Variants in TMCC1 observed in about 807,000 individuals in gnomAD.
The protein encoded by TMCC1 is transmembrane and coiled-coil domain family 1.
In TMCC1, 15 loss-of-function variants were observed where a neutral mutation model predicts 52.4. The observed-to-expected ratio is 0.29, with a 90% CI of 0.19 to 0.44. TMCC1 has a LOEUF of 0.44. Among genes scored for constraint, TMCC1 ranks in the 20% least tolerant of loss-of-function variants. The pLI is 1.00. For missense variants in TMCC1, 503 were observed against 806.0 expected, an observed-to-expected ratio of 0.62 and a Z score of 4.55; for synonymous variants, 279 against 301.9, an observed-to-expected ratio of 0.92 and a Z score of 0.79.
intron 4 of TMCC1, among the ~76,000 whole-genome samples, chr3:129,789,717 T>C (rs1457039261): frequency 1.3e-5 from 2 of 152,152 alleles, no homozygotes; most frequent in Admixed American, 6.5e-5. Flanking sequence ...CCTGACCTCA[T>C]GATCTACCCA....
chr3:129,730,448 A>C (rs1423430198), intron 4 of TMCC1, among the ~76,000 whole-genome samples: 1 of 152,172 alleles, frequency 6.6e-6, no homozygotes, highest in Non-Finnish European at 1.5e-5. Flanking sequence ...TATTTTTGTG[A>C]AATATGAACT....
At chr3:129,677,178 T>C (rs926972112) in intron 4 of TMCC1, among the ~76,000 whole-genome samples, 4 of 152,100 alleles carry the variant, frequency 2.6e-5, no homozygotes, top group Non-Finnish European at 4.4e-5. Flanking sequence ...GGTGGGGGGA[T>C]TGCTTGAGCC....
chr3:129,854,004 T>C (rs2060032517), intron 2 of TMCC1, among the ~76,000 whole-genome samples: 1 of 152,258 alleles, frequency 6.6e-6, no homozygotes, highest in African/African-American at 2.4e-5. Flanking sequence ...TGAGCCACCA[T>C]TACCTATCAC....
intron 4 of TMCC1, among the ~76,000 whole-genome samples, chr3:129,788,889 A>G (rs2056244559): frequency 6.6e-6 from 1 of 152,206 alleles, no homozygotes. Flanking sequence ...AGTTCTAGAA[A>G]GCAGATAGAC....
intron 4 of TMCC1, among the ~76,000 whole-genome samples, chr3:129,807,096 C>T (rs1213984043): frequency 6.6e-6 from 1 of 152,144 alleles, no homozygotes; most frequent in East Asian, 1.9e-4. Context: ...GCTATGGTAT[C>T]ATTTTACAAA....
chr3:129,681,696 TC>T (rs2108921403), intron 4 of TMCC1, among the ~76,000 whole-genome samples: 1 of 152,076 alleles, frequency 6.6e-6, no homozygotes, highest in African/African-American at 2.4e-5. Context: ...TCACCTGAGG[TC>T]AGGAGTTTGA....
chr3:129,876,928 G>A (rs2061243379), intron 2 of TMCC1, among the ~76,000 whole-genome samples: 1 of 152,132 alleles, frequency 6.6e-6, no homozygotes, highest in Non-Finnish European at 1.5e-5. Context: ...CTGCACTCCA[G>A]CCTGGACAAC....
chr3:129,737,002 TTAAAG>T (rs1441083163), intron 4 of TMCC1, among the ~76,000 whole-genome samples: 3 of 152,126 alleles, frequency 2.0e-5, no homozygotes, highest in Admixed American at 6.6e-5. Context: ...CCTAAACCAC[TTAAAG>T]TAAATTACAT....
At chr3:129,780,098 C>G (rs1235544597) in intron 4 of TMCC1, among the ~76,000 whole-genome samples, 1 of 152,048 alleles carries the variant, frequency 6.6e-6, no homozygotes, top group Non-Finnish European at 1.5e-5. Flanking sequence ...ATCTTTTTAC[C>G]TTATCACCCT....
At chr3:129,812,164 A>C (rs1336516421) in intron 4 of TMCC1, among the ~76,000 whole-genome samples, 2 of 151,884 alleles carry the variant, frequency 1.3e-5, no homozygotes, top group Non-Finnish European at 1.5e-5. Flanking sequence ...CAACACAGTG[A>C]AACTCCATCT....
At chr3:129,845,196 A>T (rs772558910) in intron 2 of TMCC1, among the ~76,000 whole-genome samples, 3 of 120,532 alleles carry the variant, frequency 2.5e-5, no homozygotes, top group South Asian at 2.4e-4. Flanking sequence ...ACACTCACAC[A>T]CACACACACA....
At chr3:129,857,334 A>AT in intron 2 of TMCC1, 1 of 152,346 alleles carries the variant, frequency 6.6e-6, no homozygotes, top group Non-Finnish European at 1.5e-5. Flanking sequence ...TGGACAAGAC[A>AT]TCCACCTTAA....
intron 2 of TMCC1, among the ~76,000 whole-genome samples, chr3:129,862,333 A>C (rs1021560028): frequency 1.3e-5 from 2 of 152,216 alleles, no homozygotes; most frequent in African/African-American, 4.8e-5. Context: ...AAAACCACTG[A>C]AAAGTACACT....
intron 4 of TMCC1, among the ~76,000 whole-genome samples, chr3:129,743,960 A>G (rs1273067227): frequency 1.3e-5 from 2 of 151,860 alleles, no homozygotes; most frequent in Non-Finnish European, 2.9e-5. Flanking sequence ...GAGTACAGTC[A>G]TAATAGTATC....
At chr3:129,867,757 G>T (rs963541251) in intron 2 of TMCC1, among the ~76,000 whole-genome samples, 3 of 152,058 alleles carry the variant, frequency 2.0e-5, no homozygotes, top group African/African-American at 7.2e-5. Flanking sequence ...TGACTTTAAG[G>T]CCATAGTAGA....
chr3:129,851,011 G>A (rs1003357780), intron 2 of TMCC1, among the ~76,000 whole-genome samples: 2 of 152,204 alleles, frequency 1.3e-5, no homozygotes, highest in African/African-American at 4.8e-5. Context: ...CTTCCAGCGT[G>A]GGCATTATGG....
rs148315281 is a variant in TMCC1, at chr3:129,690,747, A to G, written c.577-19483T>C. Among the ~76,000 whole-genome samples the G allele has an allele frequency of 1.3e-3, 194 of 152,326 alleles. 1 individual carries two copies. The highest frequency in any genetic ancestry group is 4.5e-3 in the African/African-American group (186 of 41,578). Reference sequence around the variant, plus strand: ...GATTGGATAAACCACTAAATGGAGGACAGCTGCCCTGGAGAGTTGTCTGGG... The same window carrying G: ...GATTGGATAAACCACTAAATGGAGGGCAGCTGCCCTGGAGAGTTGTCTGGG... On this transcript the variant is annotated intron_variant, in intron 4 of 6. Transcript: ENST00000393238.
intron 4 of TMCC1, among the ~76,000 whole-genome samples, chr3:129,692,290 GC>G (rs1242470771): frequency 6.6e-6 from 1 of 152,160 alleles, no homozygotes; most frequent in Non-Finnish European, 1.5e-5. Context: ...ATGCTGACAA[GC>G]TTTTTATATC....
chr3:129,663,363 C>A (rs1030238151), intron 5 of TMCC1, among the ~76,000 whole-genome samples: 4 of 152,256 alleles, frequency 2.6e-5, no homozygotes, highest in African/African-American at 9.6e-5. Context: ...CACCCACAGG[C>A]AACTATGGGA....
Sources: gnomAD v4.1 joint callset for allele counts (sites outside exome capture counted in the v4.1 genomes callset) on GRCh38, gnomAD v4.1.1 for gene constraint, MANE v1.5 for transcripts, NCBI Gene and HGNC (gene_info 2026-07-23, HGNC 2026-07-21) for gene names.